Variants in ACACA observed in about 807,000 individuals in gnomAD.
ACACA encodes acetyl-CoA carboxylase 1.
ACACA carries 103 observed loss-of-function variants against 296.1 expected under a neutral mutation model. That is an observed-to-expected ratio of 0.35 (90% CI 0.30 to 0.41). ACACA has a LOEUF of 0.41. ACACA is among the 10% of genes least tolerant of loss of function. ACACA has a pLI of 1.00. For synonymous variants in ACACA, 953 were observed against 1,038.6 expected, an observed-to-expected ratio of 0.92 and a Z score of 1.58; for missense variants, 1,554 against 2,989.7, an observed-to-expected ratio of 0.52 and a Z score of 11.20.
At chr17:37,371,831 C>G (rs982882757) in intron 1 of ACACA, among the ~76,000 whole-genome samples, 3 of 151,750 alleles carry the variant, frequency 2.0e-5, no homozygotes, top group African/African-American at 7.3e-5. Flanking sequence ...ACCTGGGAGG[C>G]GGAGGTTGCA....
Position 37,401,287 on chromosome 17 carries a change from G to T in ACACA, c.38+4975C>A, listed in dbSNP as rs1387287927. The stretch of plus-strand genomic sequence containing the variant: ...GGCTCACTGCAACCTCCGCCTCCTG[G>T]GTTCAAGTGATTCTCCTGCCTCAGC... On this transcript the variant is annotated intron_variant, in intron 1 of 55. Transcript: ENST00000616317. Among the ~76,000 whole-genome samples the T allele has an allele frequency of 2.0e-5, 3 of 151,124 alleles. No homozygotes were observed. The South Asian group carries it at 6.3e-4, about 32-fold the overall frequency.
intron 1 of ACACA, among the ~76,000 whole-genome samples, chr17:37,359,283 G>A (rs533780876): frequency 6.6e-6 from 1 of 152,170 alleles, no homozygotes; most frequent in South Asian, 2.1e-4. Context: ...AGGGCCGCCG[G>A]GGGGCGAGGC....
intron 24 of ACACA, among the ~76,000 whole-genome samples, chr17:37,237,579 T>C (rs2080172739): frequency 6.6e-6 from 1 of 152,240 alleles, no homozygotes; most frequent in African/African-American, 2.4e-5. Context: ...GGATTGAGCA[T>C]CTTTGTGTAA....
intron 36 of ACACA, among the ~76,000 whole-genome samples, chr17:37,192,731 A>G (rs2077813271): frequency 6.6e-6 from 1 of 152,210 alleles, no homozygotes; most frequent in Non-Finnish European, 1.5e-5. Context: ...CTCACTTATG[A>G]TAAGTACAAA....
intron 44 of ACACA, among the ~76,000 whole-genome samples, 159 bp downstream of exon 44, chr17:37,151,142 T>C (rs2076022337): frequency 6.6e-6 from 1 of 152,234 alleles, no homozygotes; most frequent in Non-Finnish European, 1.5e-5. Context: ...ATTTATATTA[T>C]CCTATCTTCC....
intron 1 of ACACA, among the ~76,000 whole-genome samples, chr17:37,396,839 A>G (rs540662794): frequency 1.6e-4 from 25 of 152,290 alleles, no homozygotes; most frequent in South Asian, 8.3e-4. Context: ...GAGTTGACAC[A>G]ATGGCCCTCA....
At chr17:37,259,184 G>A (rs577144715) in intron 12 of ACACA, among the ~76,000 whole-genome samples, 176 bp downstream of exon 12, 35 of 152,272 alleles carry the variant, frequency 2.3e-4, no homozygotes, top group Non-Finnish European at 1.8e-4. Context: ...TCCTATGTCT[G>A]TACTACATCA....
intron 16 of ACACA, among the ~76,000 whole-genome samples, chr17:37,251,092 G>A (rs1598314880): frequency 6.6e-6 from 1 of 152,112 alleles, no homozygotes; most frequent in Admixed American, 6.6e-5. Context: ...GGAGGTGGGT[G>A]GGGGGCTTGT....
chr17:37,288,894 C>T (rs2082913325), intron 3 of ACACA, among the ~76,000 whole-genome samples: 1 of 151,092 alleles, frequency 6.6e-6, no homozygotes, highest in Non-Finnish European at 1.5e-5. Context: ...TGAGATCCTG[C>T]CCCCGCTCCA....
rs1422756978 is a variant in ACACA, at chr17:37,406,683, T to A, written c.-384A>T. ...ACGGGCAAAGTGATTACTGGTCGGA[T>A]CAAAAGTCAGGCAAGCGGCTCAGCC... On this transcript the variant is annotated 5_prime_UTR_variant, in exon 1 of 56. An upstream open reading frame in the 5' UTR loses its in-frame stop. Transcript: ENST00000616317. 4 of 375,366 alleles carry A rather than the reference T, an allele frequency of 1.1e-5. No homozygotes were observed. Among genetic ancestry groups the A allele is most frequent in the African/African-American group, 8.3e-5 (4 of 48,228 alleles). The allele number at this position is 375,366 out of a possible 1,614,324, so 23.3% of individuals were successfully genotyped here. A position where few individuals can be genotyped will look rare whatever the true frequency, so the allele number is the denominator to read the frequency against.
At chr17:37,186,832 T>C (rs2077553180) in intron 39 of ACACA, among the ~76,000 whole-genome samples, 1 of 151,980 alleles carries the variant, frequency 6.6e-6, no homozygotes, top group Non-Finnish European at 1.5e-5. Flanking sequence ...TCTGTGCCTT[T>C]CACACTCCTG....
chr17:37,337,323 G>A (rs369483338), intron 2 of ACACA, among the ~76,000 whole-genome samples: 1 of 151,630 alleles, frequency 6.6e-6, no homozygotes, highest in Non-Finnish European at 1.5e-5. Flanking sequence ...GGCTGAGGTG[G>A]GAGAATCGTT....
chr17:37,251,953 T>G, intron 16 of ACACA, 52 bp downstream of exon 16: 2 of 1,513,232 alleles, frequency 1.3e-6, no homozygotes, highest in Non-Finnish European at 1.8e-6. Context: ...CTTCAGTCCC[T>G]GTACTCAGGA....
At chr17:37,330,453 G>C in intron 2 of ACACA, 28 bp from the exon 3 acceptor site, 1 of 1,613,388 alleles carries the variant, frequency 6.2e-7, no homozygotes, top group South Asian at 1.1e-5. Flanking sequence ...AGTGAGAAAG[G>C]CAGGTTATGA....
At chr17:37,277,695 T>C (rs1037430073) in intron 6 of ACACA, among the ~76,000 whole-genome samples, 4 of 152,194 alleles carry the variant, frequency 2.6e-5, no homozygotes, top group Non-Finnish European at 5.9e-5. Context: ...AAACCTTCTG[T>C]TTGTATTACG....
At chr17:37,326,770 AG>A (rs2047642372) in intron 3 of ACACA, among the ~76,000 whole-genome samples, 1 of 151,558 alleles carries the variant, frequency 6.6e-6, no homozygotes. Flanking sequence ...TGAAGGTTGC[AG>A]TGAGCCGAGA....
chr17:37,252,187 T>G, intron 15 of ACACA, 79 bp from the exon 16 acceptor site: 2 of 1,156,148 alleles, frequency 1.7e-6, no homozygotes, highest in Non-Finnish European at 2.6e-6. Flanking sequence ...CAGGCTCAAA[T>G]TTGTTGTGAT....
chr17:37,173,969 A>C (rs2144709752), intron 41 of ACACA, among the ~76,000 whole-genome samples: 1 of 105,222 alleles, frequency 9.5e-6, no homozygotes, highest in Non-Finnish European at 2.0e-5. Context: ...GCCTGCCAAC[A>C]CGCCTGGCTA....
rs2083683668 is a variant in ACACA at position 37,302,660 on chromosome 17, TC to T, written c.339-17691del. On this transcript the variant is annotated intron_variant, in intron 3 of 55. Coordinates refer to ENST00000616317, the MANE Select transcript of ACACA (RefSeq NM_198834.3). ...TGTATAAGTCTTATACCTTTTTTGC[TC>T]AATTTATTCCTATTTTATTCTTTTT... Among the ~76,000 whole-genome samples, 5 of 152,350 alleles carry T rather than the reference TC, an allele frequency of 3.3e-5. No homozygotes were observed. In the South Asian group the frequency reaches 1.0e-3, roughly 32 times the overall value.
Sources: gnomAD v4.1 joint callset for allele counts (sites outside exome capture counted in the v4.1 genomes callset) on GRCh38, gnomAD v4.1.1 for gene constraint, MANE v1.5 for transcripts, NCBI Gene and HGNC (gene_info 2026-07-23, HGNC 2026-07-21) for gene names.